The following HTR7 variants were observed in gnomAD, a reference collection of about 807,000 sequenced individuals.
The protein encoded by HTR7 is 5-hydroxytryptamine receptor 7.
In HTR7, 16 loss-of-function variants were observed where a neutral mutation model predicts 34.0. That is an observed-to-expected ratio of 0.47 (90% CI 0.32 to 0.71). HTR7 has a LOEUF of 0.71. Among genes scored for constraint, HTR7 ranks in the 30% least tolerant of loss-of-function variants. The probability of loss-of-function intolerance (pLI) is 0.04; values close to 1 mark genes in which losing one functional copy is unlikely to be tolerated. For synonymous variants in HTR7, 265 were observed against 260.2 expected (o/e 1.02, Z -0.18); for missense variants, 504 against 625.5 (o/e 0.81, Z 2.07).
chr10:90,771,619 G>A (rs559364873), intron 1 of HTR7, among the ~76,000 whole-genome samples: 4 of 152,198 alleles, frequency 2.6e-5, no homozygotes, highest in Non-Finnish European at 5.9e-5. Context: ...GAGAGCTGAC[G>A]CCCATGCCAG....
chr10:90,786,290 C>T (rs117762907), intron 1 of HTR7, among the ~76,000 whole-genome samples: 251 of 152,322 alleles, frequency 1.6e-3, no homozygotes, highest in Middle Eastern at 3.4e-3. Context: ...GGTTCATCCA[C>T]TTCATTATCA....
intron 1 of HTR7, among the ~76,000 whole-genome samples, chr10:90,797,175 T>G (rs1456227690): frequency 1.3e-5 from 2 of 152,190 alleles, no homozygotes; most frequent in African/African-American, 2.4e-5. Flanking sequence ...CTAGGTTTTT[T>G]TCATTTTTAT....
chr10:90,803,933 G>A (rs576048794), intron 1 of HTR7, among the ~76,000 whole-genome samples: 68 of 152,214 alleles, frequency 4.5e-4, no homozygotes, highest in Admixed American at 2.4e-3. Context: ...TTCTCCCACC[G>A]AGTGTTGCTT....
chr10:90,817,591 T>A, intron 1 of HTR7, among the ~76,000 whole-genome samples: 1 of 152,180 alleles, frequency 6.6e-6, no homozygotes. Flanking sequence ...CCACCCTTTT[T>A]AAGGAAAATG....
intron 1 of HTR7, among the ~76,000 whole-genome samples, chr10:90,856,547 C>T (rs185619645): frequency 1.3e-5 from 2 of 152,320 alleles, no homozygotes; most frequent in Admixed American, 1.3e-4. Flanking sequence ...AGGCTCCAGT[C>T]AGCAAGCTCG....
At position 90,858,010 on chromosome 10, in the gene HTR7, C is replaced by G. The variant is rs1554860447; in HGVS notation, c.-339G>C. Among the ~76,000 whole-genome samples the G allele has an allele frequency of 2.7e-5, 4 of 149,728 alleles. No individual in the cohort carries two copies. Among genetic ancestry groups the G allele is most frequent in the Non-Finnish European group, 6.0e-5 (4 of 67,208 alleles). On this transcript the variant is annotated 5_prime_UTR_variant, in exon 1 of 4. Transcript: ENST00000336152. ...GCAGCTCGGCTGCGCCGAGAGCGCCCGGGCGGCAGCGGCAGAAGTTGCGGA... is the reference window on the plus strand; with the variant it reads ...GCAGCTCGGCTGCGCCGAGAGCGCCGGGGCGGCAGCGGCAGAAGTTGCGGA...
intron 1 of HTR7, among the ~76,000 whole-genome samples, chr10:90,835,579 T>C (rs1846241929): frequency 6.6e-6 from 1 of 152,218 alleles, no homozygotes; most frequent in South Asian, 2.1e-4. Flanking sequence ...GTTTCATTCA[T>C]TCATTCACTC....
chr10:90,848,230 T>C (rs1041016759), intron 1 of HTR7, among the ~76,000 whole-genome samples: 2 of 152,148 alleles, frequency 1.3e-5, no homozygotes, highest in African/African-American at 4.8e-5. Context: ...ACCCAGCTAA[T>C]TTTGTATTTC....
chr10:90,774,854 C>T (rs983440577), intron 1 of HTR7, among the ~76,000 whole-genome samples: 1 of 152,204 alleles, frequency 6.6e-6, no homozygotes, highest in South Asian at 2.1e-4. Flanking sequence ...CTTTTCAGCC[C>T]TCCACTCATA....
At chr10:90,812,972 C>T (rs1408253329) in intron 1 of HTR7, among the ~76,000 whole-genome samples, 1 of 152,140 alleles carries the variant, frequency 6.6e-6, no homozygotes, top group East Asian at 1.9e-4. Flanking sequence ...ATGGCCTGTT[C>T]CTGCCTTAAC....
At chr10:90,816,509 A>AAT (rs1300208132) in intron 1 of HTR7, among the ~76,000 whole-genome samples, 3 of 152,208 alleles carry the variant, frequency 2.0e-5, no homozygotes, top group African/African-American at 7.2e-5. Flanking sequence ...GGGTCTCTAA[A>AAT]AAAGAACCTA....
intron 1 of HTR7, among the ~76,000 whole-genome samples, chr10:90,780,105 G>A (rs749599930): frequency 6.6e-6 from 1 of 152,194 alleles, no homozygotes; most frequent in Non-Finnish European, 1.5e-5. Flanking sequence ...ATGAGGCCAG[G>A]TGTCGTGGCT....
At chr10:90,807,129 G>A (rs894871271) in intron 1 of HTR7, among the ~76,000 whole-genome samples, 2 of 152,112 alleles carry the variant, frequency 1.3e-5, no homozygotes, top group African/African-American at 4.8e-5. Flanking sequence ...ACGACAGAGT[G>A]GAAAAAAGAT....
chr10:90,780,259 G>T (rs111950101), intron 1 of HTR7, among the ~76,000 whole-genome samples: 9,206 of 152,078 alleles, frequency 0.061, 362 homozygotes, highest in Non-Finnish European at 0.094. Context: ...AATTCGGCCG[G>T]GCGCGGTGGC....
At chr10:90,779,235 G>A (rs2119838090) in intron 1 of HTR7, among the ~76,000 whole-genome samples, 1 of 152,310 alleles carries the variant, frequency 6.6e-6, no homozygotes, top group Non-Finnish European at 1.5e-5. Flanking sequence ...TTGGAGCAGA[G>A]AATGTTAGAA....
chr10:90,812,010 A>C (rs565719655), intron 1 of HTR7, among the ~76,000 whole-genome samples: 1 of 152,332 alleles, frequency 6.6e-6, no homozygotes, highest in South Asian at 2.1e-4. Flanking sequence ...GTCTTCAGGA[A>C]AAGTAGAACA....
At chr10:90,839,473 C>T (rs934323620) in intron 1 of HTR7, among the ~76,000 whole-genome samples, 6 of 152,102 alleles carry the variant, frequency 3.9e-5, no homozygotes, top group East Asian at 1.9e-4. Context: ...AGGAAGAAAG[C>T]TATGTAGCTG....
intron 1 of HTR7, among the ~76,000 whole-genome samples, chr10:90,810,342 T>C (rs538908648): frequency 6.6e-6 from 1 of 152,136 alleles, no homozygotes; most frequent in South Asian, 2.1e-4. Flanking sequence ...TCTACTCCCT[T>C]CTTGGTGACC....
chr10:90,777,915 C>A (rs184217346), intron 1 of HTR7, among the ~76,000 whole-genome samples: 8 of 152,174 alleles, frequency 5.3e-5, no homozygotes, highest in Non-Finnish European at 8.8e-5. Flanking sequence ...TTATCCACCA[C>A]CCCCAAATCC....
Sources: allele counts gnomAD v4.1 joint callset (sites outside exome capture counted in the v4.1 genomes callset), GRCh38; gene constraint gnomAD v4.1.1; transcripts MANE v1.5; gene names NCBI Gene and HGNC (gene_info 2026-07-23, HGNC 2026-07-21).